Variants in EID1 observed in about 807,000 individuals in gnomAD.
EID1 encodes the protein EP300 interacting inhibitor of differentiation 1, also known as EP300-interacting inhibitor of differentiation 1.
Under a neutral mutation model 13.7 loss-of-function variants are expected in EID1, and 3 were observed. That is an observed-to-expected ratio of 0.22 (90% confidence interval 0.10 to 0.57). The LOEUF is 0.57. EID1 is among the 20% of genes least tolerant of loss of function. The pLI, the probability that EID1 is intolerant of heterozygous loss-of-function variation, is 0.92. For synonymous variants in EID1, 105 were observed against 97.6 expected (o/e 1.08, Z -0.44); for missense variants, 261 against 247.6 (o/e 1.05, Z -0.36).
Position 48,878,571 on chromosome 15 carries a change from A to G in EID1, c.395A>G (p.Asp132Gly). Residue 132 changes from aspartate (D) to glycine (G), a missense_variant, in exon 1 of 1, where the codon GAC (aspartate) becomes GGC (glycine). Physicochemically the swap from Asp to Gly is moderately conservative, Grantham distance 94 (BLOSUM62 -1). Around this residue, in one of 2 missense-constraint regions of EID1, gnomAD observed 244 missense variants for 210.8 expected, o/e 1.16. Coordinates refer to ENST00000530028, the MANE Select transcript of EID1 (RefSeq NM_014335.3). ...GTATCAGCCGCTCTTGAAGAAGCCG[A>G]CAAGATGTTTCTGAGAACAAGAGAA... ...YRVSAALEEA[D>G]KMFLRTREPA... The G allele has an allele frequency of 2.5e-6, 4 of 1,614,074 alleles. No individual in the cohort carries two copies. Among genetic ancestry groups the G allele is most frequent in the Middle Eastern group, 1.6e-4 (1 of 6,062 alleles).
rs1050010479 is a variant in EID1, at chr15:48,879,571, G to A, written c.*831G>A. 6.0e-6 allele frequency: 1 copy of A among 167,154 alleles called. No homozygotes were observed. The highest frequency in any genetic ancestry group is 1.5e-5 in the Non-Finnish European group (1 of 68,096). 10.4% of individuals were successfully genotyped at this position (167,154 alleles called of 1,614,324 possible). A position where few individuals can be genotyped will look rare whatever the true frequency, so the allele number is the denominator to read the frequency against. Reference sequence around the variant, plus strand: ...TTTTGCTTGCTGTTTTAACTTGACAGATGAAGGACTTTAGTTGAACTTCAT... The same window carrying A: ...TTTTGCTTGCTGTTTTAACTTGACAAATGAAGGACTTTAGTTGAACTTCAT... On this transcript the variant is annotated 3_prime_UTR_variant, in exon 1 of 1. Transcript: ENST00000530028.
Position 48,878,228 on chromosome 15 carries a change from C to A in EID1, c.52C>A (p.Gln18Lys). Residue 18 changes from glutamine to lysine, a missense_variant, in exon 1 of 1, where the codon CAG becomes AAG. Physicochemically the swap from Gln to Lys is moderately conservative, Grantham distance 53. Around this residue, in one of 2 missense-constraint regions of EID1, gnomAD observed 244 missense variants for 210.8 expected, o/e 1.16. Transcript: ENST00000530028. Reference protein sequence around the residue: ...SELYEESSDLQMDVMPGEGDL... With the variant: ...SELYEESSDLKMDVMPGEGDL... ...GCTGTATGAAGAGAGCAGTGACCTG[C>A]AGATGGATGTGATGCCTGGCGAGGG... 1 of 1,606,140 alleles carries A rather than the reference C, an allele frequency of 6.2e-7. No homozygotes were observed. The highest frequency in any genetic ancestry group is 1.1e-5 in the South Asian group (1 of 89,702).
chr15:48,878,787 C>T lies in EID1; in HGVS notation c.*47C>T. ...GGAAACTACTTGAGGAGGGACCCAACTTTCCGCTATCTTTTGGGTTCATTC... is the reference window on the plus strand; with the variant it reads ...GGAAACTACTTGAGGAGGGACCCAATTTTCCGCTATCTTTTGGGTTCATTC... On this transcript the variant is annotated 3_prime_UTR_variant, in exon 1 of 1. Coordinates refer to ENST00000530028, the MANE Select transcript of EID1 (RefSeq NM_014335.3). 1 of 1,531,368 alleles carries T rather than the reference C, an allele frequency of 6.5e-7. No homozygotes were observed. Among genetic ancestry groups the T allele is most frequent in the South Asian group, 1.2e-5 (1 of 83,786 alleles). 94.9% of individuals were successfully genotyped at this position (1,531,368 alleles called of 1,614,324 possible).
chr15:48,879,961 A>G lies in EID1; in HGVS notation c.*1221A>G, dbSNP rs936988086. ...AACTTTGTAAATTAAGTTTTTGCCTATAAGAATTTGCTGGTCTGGGAAAAC... is the reference window on the plus strand; with the variant it reads ...AACTTTGTAAATTAAGTTTTTGCCTGTAAGAATTTGCTGGTCTGGGAAAAC... On this transcript the variant is annotated 3_prime_UTR_variant, in exon 1 of 1. Transcript: ENST00000530028. 31 of 167,128 alleles carry G rather than the reference A, an allele frequency of 1.9e-4. No homozygotes were observed. The allele number at this position is 167,128 out of a possible 1,614,324, so 10.4% of individuals were successfully genotyped here. A position where few individuals can be genotyped will look rare whatever the true frequency, so the allele number is the denominator to read the frequency against.
Position 48,878,204 on chromosome 15 carries a change from C to T in EID1, c.28C>T (p.Leu10=), listed in dbSNP as rs1899859073. The T allele has an allele frequency of 1.9e-6, 3 of 1,574,954 alleles. No individual in the cohort carries two copies. Among genetic ancestry groups the T allele is most frequent in the Non-Finnish European group, 2.6e-6 (3 of 1,156,850 alleles). Residue 10 remains leucine, a synonymous_variant, in exon 1 of 1, where the codon CTG becomes TTG. Coordinates refer to ENST00000530028, the MANE Select transcript of EID1 (RefSeq NM_014335.3). MSEMAELSE[L]YEESSDLQMD... is the part of the protein sequence containing the mutation. ...GTCGGAAATGGCTGAGTTGTCCGAG[C>T]TGTATGAAGAGAGCAGTGACCTGCA...
rs1899874764 is a variant in EID1 at position 48,878,570 on chromosome 15, G to A, written c.394G>A (p.Asp132Asn). 1 of 1,614,050 alleles carries A rather than the reference G, an allele frequency of 6.2e-7. No individual in the cohort carries two copies. The highest frequency in any genetic ancestry group is 8.5e-7 in the Non-Finnish European group (1 of 1,179,908). The change falls in exon 1 of 1, where the codon GAC (aspartate) becomes AAC (asparagine). Residue 132 changes from aspartate to asparagine, a missense_variant. This residue lies in a region of EID1 where 244 missense variants were observed against 210.8 expected (regional missense o/e 1.16). Transcript: ENST00000530028. ...AGTATCAGCCGCTCTTGAAGAAGCC[G>A]ACAAGATGTTTCTGAGAACAAGAGA... ...YRVSAALEEA[D>N]KMFLRTREPA...
chr15:48,879,319 A>G lies in EID1; in HGVS notation c.*579A>G, dbSNP rs1899894005. 2 of 167,246 alleles carry G rather than the reference A, an allele frequency of 1.2e-5. No individual in the cohort carries two copies. Among genetic ancestry groups the G allele is most frequent in the African/African-American group, 4.8e-5 (2 of 41,466 alleles). 10.4% of individuals were successfully genotyped at this position (167,246 alleles called of 1,614,324 possible). ...ATGTATCACGTGTGCTTTGTATCTT[A>G]AGATGTGTTTCCAAGAGCATCTGAA... On this transcript the variant is annotated 3_prime_UTR_variant, in exon 1 of 1. Transcript: ENST00000530028.
rs758716473 is a variant in EID1 at position 48,878,543 on chromosome 15, A to T, written c.367A>T (p.Arg123Ter). 1 of 1,614,104 alleles carries T rather than the reference A, an allele frequency of 6.2e-7. No individual in the cohort carries two copies. The change falls in exon 1 of 1, where the codon AGA (arginine) becomes TGA (stop). Residue 123 changes from arginine to a stop codon, truncating the protein, a stop_gained. Transcript: ENST00000530028. LOFTEE classifies it high-confidence loss of function. ...GGAGCAGCTCAGTGGTGCCGGCTAC[A>T]GAGTATCAGCCGCTCTTGAAGAAGC... Reference protein sequence around the residue: ...EEEQLSGAGYRVSAALEEADK... With the variant: ...EEEQLSGAGY
Position 48,878,220 on chromosome 15 carries a change from G to A in EID1, c.44G>A (p.Ser15Asn). Residue 15 changes from serine to asparagine, a missense_variant, in exon 1 of 1, where the codon AGT (serine) becomes AAT (asparagine). Ser to Asn is a conservative substitution (Grantham distance 46). This residue lies in a region of EID1 where 244 missense variants were observed against 210.8 expected (regional missense o/e 1.16). Transcript: ENST00000530028. ...AELSELYEES[S>N]DLQMDVMPGE... The stretch of plus-strand genomic sequence containing the variant: ...TTGTCCGAGCTGTATGAAGAGAGCA[G>A]TGACCTGCAGATGGATGTGATGCCT... The A allele has an allele frequency of 1.2e-6, 2 of 1,601,798 alleles. No individual in the cohort carries two copies. The highest frequency in any genetic ancestry group is 1.7e-6 in the Non-Finnish European group (2 of 1,172,938).
At position 48,879,816 on chromosome 15, in the gene EID1, C is replaced by G. The variant is rs2141000052; in HGVS notation, c.*1076C>G. 6.0e-6 allele frequency: 1 copy of G among 167,134 alleles called. No homozygotes were observed. The highest frequency in any genetic ancestry group is 2.4e-5 in the African/African-American group (1 of 41,564). The allele number at this position is 167,134 out of a possible 1,614,324, so 10.4% of individuals were successfully genotyped here. ...TTCTTGTTCTGTGTATTTTGTTTGG[C>G]TAATAGTATTGCATACATACTTTCT... On this transcript the variant is annotated 3_prime_UTR_variant, in exon 1 of 1. Coordinates refer to ENST00000530028, the MANE Select transcript of EID1 (RefSeq NM_014335.3).
chr15:48,878,461 C>T lies in EID1; in HGVS notation c.285C>T (p.Ser95=), dbSNP rs1899870377. The change falls in exon 1 of 1, where the codon AGC becomes AGT. Residue 95 remains serine (S), a synonymous_variant. Transcript: ENST00000530028. Reference sequence around the variant, plus strand: ...AGGTGGCGGGCGCAGACTTCGAGAGCGAGGACGAGGGCGAGGAATTTGATG... The same window carrying T: ...AGGTGGCGGGCGCAGACTTCGAGAGTGAGGACGAGGGCGAGGAATTTGATG... ...PGQVAGADFE[S]EDEGEEFDDW... 1 of 1,613,320 alleles carries T rather than the reference C, an allele frequency of 6.2e-7. No individual in the cohort carries two copies. Among genetic ancestry groups the T allele is most frequent in the Admixed American group, 1.7e-5 (1 of 59,858 alleles).
chr15:48,878,551 AG>A lies in EID1; in HGVS notation c.376del (p.Ala126ProfsTer11). 6.2e-7 allele frequency: 1 copy of A among 1,614,092 alleles called. No individual in the cohort carries two copies. On this transcript the variant is annotated frameshift_variant, in exon 1 of 1. Coordinates refer to ENST00000530028, the MANE Select transcript of EID1 (RefSeq NM_014335.3). LOFTEE classifies it high-confidence loss of function. ...TCAGTGGTGCCGGCTACAGAGTATC[AG>A]CCGCTCTTGAAGAAGCCGACAAGAT... ...QLSGAGYRVSAALEEADKMFL... is the reference protein window; with the variant it reads ...QLSGAGYRVSXALEEADKMFL...
Position 48,878,275 on chromosome 15 carries a change from A to T in EID1, c.99A>T (p.Val33=), listed in dbSNP as rs750319038. The change falls in exon 1 of 1, where the codon GTA becomes GTT. Residue 33 remains valine (V), a synonymous_variant. Coordinates refer to ENST00000530028, the MANE Select transcript of EID1 (RefSeq NM_014335.3). ...AGGGTGACCTTCCGCAGATGGAGGT[A>T]GGCAGCGGGAGCCGGGAGCTATCCC... ...PGEGDLPQME[V]GSGSRELSLR... 2.5e-6 allele frequency: 4 copies of T among 1,613,462 alleles called. No individual in the cohort carries two copies. Among genetic ancestry groups the T allele is most frequent in the Admixed American group, 1.7e-5 (1 of 59,980 alleles).
At position 48,878,870 on chromosome 15, in the gene EID1, A is replaced by G; in HGVS notation, c.*130A>G. The G allele has an allele frequency of 2.7e-6, 2 of 738,194 alleles. No homozygotes were observed. Among genetic ancestry groups the G allele is most frequent in the Non-Finnish European group, 2.2e-6 (1 of 448,102 alleles). The allele number at this position is 738,194 out of a possible 1,614,324, so 45.7% of individuals were successfully genotyped here. ...TTCAAAAAAATTTGTTTTTCAGAAT[A>G]GAACACAATAGGACAGTGACTGCAC... is the stretch of plus-strand genomic sequence containing the variant. On this transcript the variant is annotated 3_prime_UTR_variant, in exon 1 of 1. Transcript: ENST00000530028.
In EID1 at chr15:48,878,620, G is replaced by A. The variant is rs374626879; in HGVS notation, c.444G>A (p.Gln148=). ...TREPALDGGF[Q]MHYEKTPFDQ... ...AACCAGCCCTGGATGGCGGGTTTCA[G>A]ATGCATTATGAGAAGACCCCGTTTG... Residue 148 remains glutamine (Q), a synonymous_variant, in exon 1 of 1, where the codon CAG becomes CAA. Transcript: ENST00000530028. The A allele has an allele frequency of 1.1e-4, 170 of 1,613,956 alleles. No homozygotes were observed. The highest frequency in any genetic ancestry group is 1.6e-4 in the Middle Eastern group (1 of 6,084).
Position 48,878,769 on chromosome 15 carries a change from A to G in EID1, c.*29A>G. On this transcript the variant is annotated 3_prime_UTR_variant, in exon 1 of 1. Transcript: ENST00000530028. ...GATGCTGTTAAAAGAGGAGGAAACT[A>G]CTTGAGGAGGGACCCAACTTTCCGC... The G allele has an allele frequency of 1.3e-6, 2 of 1,577,500 alleles. No homozygotes were observed. The highest frequency in any genetic ancestry group is 1.7e-6 in the Non-Finnish European group (2 of 1,154,746).
At position 48,879,577 on chromosome 15, in the gene EID1, G is replaced by A. The variant is rs912840699; in HGVS notation, c.*837G>A. 21 of 167,020 alleles carry A rather than the reference G, an allele frequency of 1.3e-4. No individual in the cohort carries two copies. The highest frequency in any genetic ancestry group is 1.1e-3 in the Admixed American group (17 of 15,282). The allele number at this position is 167,020 out of a possible 1,614,324, so 10.3% of individuals were successfully genotyped here. On this transcript the variant is annotated 3_prime_UTR_variant, in exon 1 of 1. Transcript: ENST00000530028. The stretch of plus-strand genomic sequence containing the variant: ...TTGCTGTTTTAACTTGACAGATGAA[G>A]GACTTTAGTTGAACTTCATATTGTA...
At position 48,878,847 on chromosome 15, in the gene EID1, C is replaced by CA; in HGVS notation, c.*114dup. On this transcript the variant is annotated 3_prime_UTR_variant, in exon 1 of 1. Coordinates refer to ENST00000530028, the MANE Select transcript of EID1 (RefSeq NM_014335.3). The stretch of plus-strand genomic sequence containing the variant: ...TTGTGCCATTGAAAAACTTGACCTT[C>CA]AAAAAAATTTGTTTTTCAGAATAGA... 1.8e-6 allele frequency: 2 copies of CA among 1,142,356 alleles called. No homozygotes were observed. Among genetic ancestry groups the CA allele is most frequent in the Non-Finnish European group, 2.4e-6 (2 of 816,562 alleles). The allele number at this position is 1,142,356 out of a possible 1,614,324, so 70.8% of individuals were successfully genotyped here. A position where few individuals can be genotyped will look rare whatever the true frequency, so the allele number is the denominator to read the frequency against.
Position 48,878,783 on chromosome 15 carries a change from C to G in EID1, c.*43C>G, listed in dbSNP as rs1899882700. The G allele has an allele frequency of 6.5e-7, 1 of 1,542,202 alleles. No individual in the cohort carries two copies. The highest frequency in any genetic ancestry group is 8.8e-7 in the Non-Finnish European group (1 of 1,133,514). Reference sequence around the variant, plus strand: ...AGGAGGAAACTACTTGAGGAGGGACCCAACTTTCCGCTATCTTTTGGGTTC... The same window carrying G: ...AGGAGGAAACTACTTGAGGAGGGACGCAACTTTCCGCTATCTTTTGGGTTC... On this transcript the variant is annotated 3_prime_UTR_variant, in exon 1 of 1. Coordinates refer to ENST00000530028, the MANE Select transcript of EID1 (RefSeq NM_014335.3).
Sources: allele counts gnomAD v4.1 joint callset, GRCh38; gene constraint gnomAD v4.1.1; regional missense constraint gnomAD v4.1.1; transcripts MANE v1.5; gene names NCBI Gene and HGNC (gene_info 2026-07-23, HGNC 2026-07-21).